MINDY4: variants seen among roughly 807,000 people sequenced by gnomAD.
The protein encoded by MINDY4 is MINDY lysine 48 deubiquitinase 4, also known as probable ubiquitin carboxyl-terminal hydrolase MINDY-4.
Under a neutral mutation model 87.0 loss-of-function variants are expected in MINDY4, and 68 were observed. The observed-to-expected ratio is 0.78, with a 90% CI of 0.64 to 0.96. The LOEUF (loss-of-function observed/expected upper bound fraction) is 0.96, where lower values mean the gene tolerates loss of function less well. Ranked by LOEUF, MINDY4 falls within the 40% of genes least tolerant of loss-of-function variation. The pLI, the probability that MINDY4 is intolerant of heterozygous loss-of-function variation, is 0.00. For missense variants in MINDY4, 919 were observed against 928.2 expected (o/e 0.99, Z 0.13); for synonymous variants, 379 against 363.2 (o/e 1.04, Z -0.50).
chr7:30,832,865 T>G (rs182036261), intron 6 of MINDY4, among the ~76,000 whole-genome samples: 122 of 152,264 alleles, frequency 8.0e-4, no homozygotes, highest in Non-Finnish European at 1.3e-3. Flanking sequence ...TTAACTTTCT[T>G]TCCTTATTTA....
chr7:30,829,022 G>A (rs1788610840), intron 6 of MINDY4, among the ~76,000 whole-genome samples: 2 of 152,210 alleles, frequency 1.3e-5, no homozygotes, highest in African/African-American at 4.8e-5. Context: ...GGGCCATTCA[G>A]TAATGGCCTC....
Position 30,823,958 on chromosome 7 carries a change from G to T in MINDY4, c.1074-4721G>T, listed in dbSNP as rs58852812. Among the ~76,000 whole-genome samples the T allele has an allele frequency of 7.8e-3, 1,184 of 152,262 alleles. 14 individuals carry two copies. Among genetic ancestry groups the T allele is most frequent in the African/African-American group, 0.027 (1,127 of 41,556 alleles). On this transcript the variant is annotated intron_variant, in intron 5 of 17. Coordinates refer to ENST00000265299, the MANE Select transcript of MINDY4 (RefSeq NM_032222.3). ...TATCACTGACTTGGGAAAAATTTAT[G>T]TTAATTTCTTATATTCTAGATTCTT...
At chr7:30,842,431 G>A (rs758635172) in intron 9 of MINDY4, among the ~76,000 whole-genome samples, 4 of 152,180 alleles carry the variant, frequency 2.6e-5, no homozygotes, top group Non-Finnish European at 5.9e-5. Context: ...CTGACTGGGT[G>A]GAACTTTGCT....
intron 15 of MINDY4, among the ~76,000 whole-genome samples, chr7:30,877,657 T>C (rs928335751): frequency 3.5e-5 from 5 of 143,662 alleles, no homozygotes; most frequent in African/African-American, 1.3e-4. Flanking sequence ...ACAAAGCCCT[T>C]CCCTCTTCTT....
At chr7:30,853,984 G>A (rs963906345) in intron 12 of MINDY4, among the ~76,000 whole-genome samples, 1 of 151,202 alleles carries the variant, frequency 6.6e-6, no homozygotes, top group Non-Finnish European at 1.5e-5. Flanking sequence ...GAGCCCCCCC[G>A]CCTGCCAGAG....
At position 30,778,567 on chromosome 7, in the gene MINDY4, G is replaced by C. The variant is rs372698074; in HGVS notation, c.183+16G>C. ...GGAGAACAAGGTATGTGCTTTCTAA[G>C]GTGTGGTGTGGAGTCTTGGAACTGA... On this transcript the variant is annotated intron_variant, in intron 2 of 17. Coordinates refer to ENST00000265299, the MANE Select transcript of MINDY4 (RefSeq NM_032222.3). 1,674 of 1,614,034 alleles carry C rather than the reference G, an allele frequency of 1.0e-3. 27 individuals are homozygous for C. The South Asian group carries it at 0.018, about 17-fold the overall frequency.
At position 30,850,820 on chromosome 7, in the gene MINDY4, A is replaced by C. The variant is rs1395807987; in HGVS notation, c.1547+265A>C. ...GTCTGTCTGCCCTGCCTTCCTCCTG[A>C]GGAGCTCTGGGGTGACCCCTCAGAG... On this transcript the variant is annotated intron_variant, in intron 10 of 17. Transcript: ENST00000265299. Among the ~76,000 whole-genome samples the C allele has an allele frequency of 2.0e-5, 3 of 152,168 alleles. No homozygotes were observed. In the East Asian group the frequency reaches 5.8e-4, roughly 29 times the overall value.
intron 5 of MINDY4, among the ~76,000 whole-genome samples, chr7:30,797,493 G>T (rs569723637): frequency 6.6e-6 from 1 of 152,272 alleles, no homozygotes; most frequent in East Asian, 1.9e-4. Context: ...ATCTCTGGAC[G>T]CAAATGCCGA....
chr7:30,783,547 A>G (rs964464088), intron 3 of MINDY4, among the ~76,000 whole-genome samples: 1 of 152,114 alleles, frequency 6.6e-6, no homozygotes, highest in Non-Finnish European at 1.5e-5. Flanking sequence ...CTGATTTTTC[A>G]CTCATGCAAA....
intron 16 of MINDY4, 31 bp downstream of exon 16, chr7:30,882,392 C>A: frequency 7.0e-7 from 1 of 1,432,166 alleles, no homozygotes; most frequent in South Asian, 1.4e-5. Context: ...ACCCACCCAA[C>A]CCTGTCCCCA....
chr7:30,877,803 C>G (rs1429450094), intron 15 of MINDY4, among the ~76,000 whole-genome samples: 15 of 128,560 alleles, frequency 1.2e-4, no homozygotes, highest in African/African-American at 4.1e-4. Context: ...TCCTGAGTAG[C>G]TGGGATTACA....
chr7:30,773,868 T>C (rs1015228707), intron 1 of MINDY4, among the ~76,000 whole-genome samples: 2 of 152,196 alleles, frequency 1.3e-5, no homozygotes, highest in African/African-American at 4.8e-5. Context: ...CCCTCGGGCC[T>C]ACCATAACCC....
At chr7:30,775,287 C>T (rs1670186204) in intron 1 of MINDY4, among the ~76,000 whole-genome samples, 1 of 152,098 alleles carries the variant, frequency 6.6e-6, no homozygotes, top group South Asian at 2.1e-4. Flanking sequence ...ATTGAGGGTT[C>T]CCACAACCCC....
rs374782356 is a variant in MINDY4 at position 30,886,597 on chromosome 7, A to C, written c.2225+3604A>C. The stretch of plus-strand genomic sequence containing the variant: ...TCACAAGCTCCAAGGACTGTGGCTT[A>C]CGCTTTTGCTGTCCCAGCCCATTGG... On this transcript the variant is annotated intron_variant, in intron 17 of 17. Transcript: ENST00000265299. 7.9e-4 allele frequency among the ~76,000 whole-genome samples: 120 copies of C among 152,352 alleles called. 1 individual carries two copies. Among genetic ancestry groups the C allele is most frequent in the African/African-American group, 2.3e-3 (95 of 41,590 alleles).
At chr7:30,812,403 C>T (rs1562539198) in intron 5 of MINDY4, among the ~76,000 whole-genome samples, 1 of 151,878 alleles carries the variant, frequency 6.6e-6, no homozygotes, top group South Asian at 2.1e-4. Context: ...GTTAGTCTAA[C>T]ATTTTTCAAA....
At chr7:30,885,072 T>C (rs1304510304) in intron 17 of MINDY4, among the ~76,000 whole-genome samples, 2 of 152,266 alleles carry the variant, frequency 1.3e-5, no homozygotes, top group Non-Finnish European at 2.9e-5. Context: ...TGGACAAGGC[T>C]GAGCCCCACC....
At position 30,840,826 on chromosome 7, in the gene MINDY4, G is replaced by C; in HGVS notation, c.1423G>C (p.Asp475His). The change falls in exon 9 of 18, where the codon GAT (aspartate) becomes CAT (histidine). Residue 475 changes from aspartate to histidine, a missense_variant. Asp to His is a moderately conservative substitution (Grantham distance 81). Transcript: ENST00000265299. ...CCTACAGAAACTCCTGTTTGAAGGA[G>C]ATAGCAAAGCCGACTGTGCTCAGTA... is the stretch of plus-strand genomic sequence containing the variant. The part of the protein sequence containing the change: ...CVLQKLLFEG[D>H]SKADCAQGLQ... 1 of 1,614,152 alleles carries C rather than the reference G, an allele frequency of 6.2e-7. No individual in the cohort carries two copies. The highest frequency in any genetic ancestry group is 8.5e-7 in the Non-Finnish European group (1 of 1,179,984).
chr7:30,885,129 A>G (rs891836488), intron 17 of MINDY4, among the ~76,000 whole-genome samples: 1 of 152,214 alleles, frequency 6.6e-6, no homozygotes, highest in African/African-American at 2.4e-5. Flanking sequence ...TTTGTGTAGC[A>G]CACAGGGGCT....
chr7:30,782,582 A>G (rs916093573), intron 3 of MINDY4, among the ~76,000 whole-genome samples: 1 of 152,136 alleles, frequency 6.6e-6, no homozygotes, highest in Non-Finnish European at 1.5e-5. Context: ...GTGCACATAT[A>G]GTCCCAGCTA....
Sources: gnomAD v4.1 joint callset for allele counts (sites outside exome capture counted in the v4.1 genomes callset) on GRCh38, gnomAD v4.1.1 for gene constraint, MANE v1.5 for transcripts, NCBI Gene and HGNC (gene_info 2026-07-23, HGNC 2026-07-21) for gene names.